KITLG: variants seen among roughly 807,000 people sequenced by gnomAD.
KITLG encodes KIT ligand, also known as c-Kit ligand.
A neutral mutation model predicts 34.1 loss-of-function variants in KITLG; 13 were observed. The ratio of observed to expected loss-of-function variants is 0.38; its 90% CI spans 0.25 to 0.61. KITLG has a LOEUF of 0.61. KITLG is among the 20% of genes least tolerant of loss of function. The probability of loss-of-function intolerance (pLI) is 0.60; values close to 1 mark genes in which losing one functional copy is unlikely to be tolerated. For synonymous variants in KITLG, 110 were observed against 104.0 expected (o/e 1.06, Z -0.35); for missense variants, 292 against 318.9 (o/e 0.92, Z 0.64).
At position 88,577,579 on chromosome 12, in the gene KITLG, C is replaced by T. The variant is rs1030196036; in HGVS notation, c.15+2685G>A. On this transcript the variant is annotated intron_variant, in intron 1 of 9. Coordinates refer to ENST00000644744, the MANE Select transcript of KITLG (RefSeq NM_000899.5). ...ATTGAAAGAGATGTTTTTTCTAAGC[C>T]CAAGCCACAAACACCTCTAGAAAAC... is the stretch of plus-strand genomic sequence containing the variant. 1.5e-4 allele frequency among the ~76,000 whole-genome samples: 23 copies of T among 152,006 alleles called. 1 individual carries two copies. The highest frequency in any genetic ancestry group is 6.8e-3 in the Middle Eastern group (2 of 294).
chr12:88,569,118 G>A (rs527514489), intron 1 of KITLG, among the ~76,000 whole-genome samples: 16 of 152,218 alleles, frequency 1.1e-4, no homozygotes, highest in Admixed American at 9.2e-4. Context: ...TTCAAAATGG[G>A]AATGACTCAT....
At chr12:88,505,373 T>G (rs1869019408) in intron 8 of KITLG, 138 bp from the exon 9 acceptor site, 1 of 688,626 alleles carries the variant, frequency 1.5e-6, no homozygotes, top group South Asian at 1.6e-5. Flanking sequence ...GGAGCCTACC[T>G]TCTTATTACT....
intron 3 of KITLG, among the ~76,000 whole-genome samples, chr12:88,531,610 G>C (rs1177021178): frequency 6.6e-6 from 1 of 152,086 alleles, no homozygotes; most frequent in East Asian, 1.9e-4. Flanking sequence ...CTTGTTGTAA[G>C]GTTCTAAGAA....
chr12:88,507,059 A>G lies in KITLG; in HGVS notation c.683T>C (p.Ile228Thr). 1 of 1,612,918 alleles carries G rather than the reference A, an allele frequency of 6.2e-7. No homozygotes were observed. Among genetic ancestry groups the G allele is most frequent in the East Asian group, 2.2e-5 (1 of 44,840 alleles). ...GTATAAGGCTCCAAAAGCAAAGCCAATTATAAGAGAAAACAATGCTGGCAA... is the reference window on the plus strand; with the variant it reads ...GTATAAGGCTCCAAAAGCAAAGCCAGTTATAAGAGAAAACAATGCTGGCAA... ...MALPALFSLI[I>T]GFAFGALYWK... Residue 228 changes from isoleucine (I) to threonine (T), a missense_variant, in exon 7 of 10, where the codon ATT becomes ACT. Transcript: ENST00000644744.
At chr12:88,499,385 T>C (rs1449878629) in intron 9 of KITLG, among the ~76,000 whole-genome samples, 2 of 152,178 alleles carry the variant, frequency 1.3e-5, no homozygotes, top group African/African-American at 4.8e-5. Context: ...TAAGATTTAT[T>C]TTCTTCCCCC....
intron 1 of KITLG, among the ~76,000 whole-genome samples, chr12:88,559,861 T>G (rs528895245): frequency 6.6e-6 from 1 of 152,344 alleles, no homozygotes; most frequent in Non-Finnish European, 1.5e-5. Context: ...AATTGCAGAT[T>G]CATTGACATG....
At chr12:88,511,690 C>G (rs1185353400) in intron 6 of KITLG, among the ~76,000 whole-genome samples, 1 of 152,062 alleles carries the variant, frequency 6.6e-6, no homozygotes, top group Non-Finnish European at 1.5e-5. Context: ...TAACCAAACA[C>G]CAAACTCATG....
At chr12:88,529,235 C>G (rs1223406881) in intron 3 of KITLG, among the ~76,000 whole-genome samples, 1 of 152,080 alleles carries the variant, frequency 6.6e-6, no homozygotes, top group African/African-American at 2.4e-5. Flanking sequence ...TATGGAAGTT[C>G]AAGTGAATGA....
intron 3 of KITLG, among the ~76,000 whole-genome samples, chr12:88,531,392 A>G (rs1010009280): frequency 6.6e-6 from 1 of 152,218 alleles, no homozygotes; most frequent in African/African-American, 2.4e-5. Flanking sequence ...TTACATTTGT[A>G]ATGTTTCATT....
At chr12:88,509,891 G>T (rs1869209657) in intron 6 of KITLG, among the ~76,000 whole-genome samples, 1 of 152,112 alleles carries the variant, frequency 6.6e-6, no homozygotes, top group Non-Finnish European at 1.5e-5. Flanking sequence ...AATGAGATTT[G>T]AATTGCATGC....
intron 9 of KITLG, among the ~76,000 whole-genome samples, chr12:88,500,078 C>T (rs1868792142): frequency 6.6e-6 from 1 of 152,164 alleles, no homozygotes; most frequent in Admixed American, 6.6e-5. Flanking sequence ...CGATGCTCAC[C>T]CTTTCTTCTC....
chr12:88,568,252 T>C (rs1004831793), intron 1 of KITLG, among the ~76,000 whole-genome samples: 28 of 152,114 alleles, frequency 1.8e-4, no homozygotes, highest in African/African-American at 6.5e-4. Context: ...GCATCACTTC[T>C]GGGTCAGACA....
At chr12:88,568,114 C>G (rs1174440383) in intron 1 of KITLG, among the ~76,000 whole-genome samples, 1 of 151,870 alleles carries the variant, frequency 6.6e-6, no homozygotes, top group East Asian at 1.9e-4. Context: ...ACTCTCTTGA[C>G]TTTCACAACT....
At chr12:88,554,360 C>A (rs1871026866) in intron 1 of KITLG, among the ~76,000 whole-genome samples, 1 of 152,116 alleles carries the variant, frequency 6.6e-6, no homozygotes, top group Non-Finnish European at 1.5e-5. Flanking sequence ...ACAGACGTCA[C>A]AAAGTCAAAA....
intron 1 of KITLG, among the ~76,000 whole-genome samples, chr12:88,574,079 TA>T (rs201456659): frequency 2.1e-3 from 289 of 134,664 alleles, no homozygotes; most frequent in South Asian, 6.4e-3. Context: ...TTTTTTTTTT[TA>T]AATTTTCTAG....
intron 1 of KITLG, 169 bp downstream of exon 1, chr12:88,580,081 TGGCTCACCCGGCTC>T: frequency 1.5e-6 from 1 of 662,966 alleles, no homozygotes; most frequent in East Asian, 2.7e-5. Flanking sequence ...CTTTTCTCCC[TGGCTCACCCGGCTC>T]GGCTCGGGAT....
chr12:88,536,966 A>G (rs187065843), intron 2 of KITLG, among the ~76,000 whole-genome samples: 9 of 152,290 alleles, frequency 5.9e-5, no homozygotes, highest in Admixed American at 5.2e-4. Context: ...CTTGTACCCC[A>G]GAACTTAAAG....
chr12:88,531,933 GAATT>G (rs1369000487), intron 3 of KITLG, among the ~76,000 whole-genome samples: 5 of 152,036 alleles, frequency 3.3e-5, no homozygotes, highest in Admixed American at 6.6e-5. Context: ...TTCAGTATTA[GAATT>G]AATTTAGAAT....
intron 2 of KITLG, among the ~76,000 whole-genome samples, chr12:88,539,027 C>G (rs10858757): frequency 0.084 from 12,710 of 150,840 alleles, 570 homozygotes; most frequent in Non-Finnish European, 0.1. Flanking sequence ...ACTTGGCCAA[C>G]AAGAAGTCTT....
Sources: gnomAD v4.1 joint callset for allele counts (sites outside exome capture counted in the v4.1 genomes callset) on GRCh38, gnomAD v4.1.1 for gene constraint, MANE v1.5 for transcripts, NCBI Gene and HGNC (gene_info 2026-07-23, HGNC 2026-07-21) for gene names.